The following TNFSF4 variants were observed in gnomAD, a reference collection of about 807,000 sequenced individuals.
TNFSF4 encodes tumor necrosis factor ligand superfamily member 4.
A neutral mutation model predicts 7.3 loss-of-function variants in TNFSF4; 4 were observed. The ratio of observed to expected loss-of-function variants is 0.55; its 90% CI spans 0.27 to 1.25. The LOEUF (loss-of-function observed/expected upper bound fraction) is 1.25. TNFSF4 is among the 50% of genes most tolerant of loss of function. The pLI is 0.12. For synonymous variants in TNFSF4, 76 were observed against 83.7 expected (o/e 0.91, Z 0.50); for missense variants, 181 against 208.8 (o/e 0.87, Z 0.82).
At chr1:173,408,464 T>C in the TNFSF4 span, among the ~76,000 whole-genome samples, 4 of 152,338 alleles carry the variant, frequency 2.6e-5, no homozygotes, top group South Asian at 8.3e-4. Context: ...GAATGCCAAC[T>C]AATTAAATGC....
At chr1:173,381,539 G>A in the TNFSF4 span, among the ~76,000 whole-genome samples, 222 of 152,208 alleles carry the variant, frequency 1.5e-3, 1 homozygote, top group African/African-American at 4.8e-3. Flanking sequence ...AGCTACAGAC[G>A]GTCTTACAAA....
chr1:173,330,156 G>A, the TNFSF4 span, among the ~76,000 whole-genome samples: 7 of 152,052 alleles, frequency 4.6e-5, no homozygotes, highest in African/African-American at 1.7e-4. Flanking sequence ...AACCCACTTT[G>A]TTGGCCAGAA....
chr1:173,183,482 G>A (rs1649096281), downstream of TNFSF4, among the ~76,000 whole-genome samples: 2 of 152,166 alleles, frequency 1.3e-5, no homozygotes, highest in African/African-American at 4.8e-5. Context: ...AACAGTACAT[G>A]GTAGAACTCT....
chr1:173,179,849 C>T (rs1211046247), downstream of TNFSF4, among the ~76,000 whole-genome samples: 2 of 152,162 alleles, frequency 1.3e-5, no homozygotes, highest in Admixed American at 1.3e-4. Flanking sequence ...AATAACCATT[C>T]GCCTTCATTT....
the TNFSF4 span, among the ~76,000 whole-genome samples, chr1:173,385,286 T>C: frequency 6.6e-6 from 1 of 152,216 alleles, no homozygotes; most frequent in East Asian, 1.9e-4. Flanking sequence ...CGGTGAATTG[T>C]TTTCATAACA....
chr1:173,405,073 C>A, the TNFSF4 span, among the ~76,000 whole-genome samples: 2 of 152,328 alleles, frequency 1.3e-5, no homozygotes, highest in Non-Finnish European at 2.9e-5. Flanking sequence ...TGTCTATCTT[C>A]CCCTATTAAA....
chr1:173,249,720 A>T, the TNFSF4 span, among the ~76,000 whole-genome samples: 1 of 152,238 alleles, frequency 6.6e-6, no homozygotes, highest in African/African-American at 2.4e-5. Context: ...TGCCTTTAGC[A>T]GCAAGACTAC....
the TNFSF4 span, among the ~76,000 whole-genome samples, chr1:173,398,758 T>TGTTTGG: frequency 6.6e-6 from 1 of 152,110 alleles, no homozygotes; most frequent in African/African-American, 2.4e-5. Context: ...GGTACAGTGG[T>TGTTTGG]ATGGGAAACA....
chr1:173,440,542 T>C, the TNFSF4 span: 5 of 152,354 alleles, frequency 3.3e-5, no homozygotes, highest in Admixed American at 1.3e-4. Flanking sequence ...TTCCACACTA[T>C]AGAAAACTAT....
chr1:173,340,976 A>T, the TNFSF4 span, among the ~76,000 whole-genome samples: 1 of 152,156 alleles, frequency 6.6e-6, no homozygotes, highest in Non-Finnish European at 1.5e-5. Flanking sequence ...AGCTACCTCC[A>T]TACTGTTCTC....
At chr1:173,349,158 A>G in the TNFSF4 span, among the ~76,000 whole-genome samples, 1 of 152,050 alleles carries the variant, frequency 6.6e-6, no homozygotes. Flanking sequence ...CCTCCCGAGT[A>G]GCTGGGACTA....
the TNFSF4 span, among the ~76,000 whole-genome samples, chr1:173,346,113 T>C: frequency 6.6e-6 from 1 of 152,108 alleles, no homozygotes; most frequent in African/African-American, 2.4e-5. Flanking sequence ...CCCCTCCCCA[T>C]CCACTGTGAG....
the TNFSF4 span, among the ~76,000 whole-genome samples, chr1:173,272,194 T>C: frequency 1.3e-5 from 2 of 152,072 alleles, no homozygotes; most frequent in Non-Finnish European, 2.9e-5. Flanking sequence ...CTGGGGCCTG[T>C]CGTGGGGTGG....
chr1:173,268,698 T>G, the TNFSF4 span, among the ~76,000 whole-genome samples: 1 of 151,900 alleles, frequency 6.6e-6, no homozygotes, highest in African/African-American at 2.4e-5. Flanking sequence ...ATTGGCAAAG[T>G]AGATTTTTAA....
chr1:173,369,265 G>A, the TNFSF4 span, among the ~76,000 whole-genome samples: 2 of 152,140 alleles, frequency 1.3e-5, no homozygotes, highest in Non-Finnish European at 1.5e-5. Context: ...CAAGTGTAAG[G>A]TCCCAATACT....
At chr1:173,179,414 G>A (rs958963848), downstream of TNFSF4, among the ~76,000 whole-genome samples, 2 of 152,132 alleles carry the variant, frequency 1.3e-5, no homozygotes, top group Non-Finnish European at 2.9e-5. Flanking sequence ...TTGCTACACA[G>A]GAAGAGGAAT....
At chr1:173,313,229 C>A in the TNFSF4 span, among the ~76,000 whole-genome samples, 1 of 151,976 alleles carries the variant, frequency 6.6e-6, no homozygotes, top group Non-Finnish European at 1.5e-5. Context: ...TTATTTTTTT[C>A]TTCTGATTTA....
the TNFSF4 span, among the ~76,000 whole-genome samples, chr1:173,266,786 T>C: frequency 2.0e-5 from 3 of 152,322 alleles, no homozygotes; most frequent in Admixed American, 2.0e-4. Flanking sequence ...ATGATAACTG[T>C]CATTTAATGT....
the TNFSF4 span, among the ~76,000 whole-genome samples, chr1:173,339,146 C>G: frequency 6.6e-6 from 1 of 152,148 alleles, no homozygotes; most frequent in Admixed American, 6.6e-5. Context: ...AATCCCAACA[C>G]TTCAGGAGGA....
Sources: allele counts gnomAD v4.1 joint callset (sites outside exome capture counted in the v4.1 genomes callset), GRCh38; gene constraint gnomAD v4.1.1; transcripts MANE v1.5; gene names NCBI Gene and HGNC (gene_info 2026-07-23, HGNC 2026-07-21).